The following KAZN variants were observed in gnomAD, a reference collection of about 807,000 sequenced individuals.
KAZN encodes the protein kazrin.
KAZN carries 40 observed loss-of-function variants against 87.4 expected under a neutral mutation model. That is an observed-to-expected ratio of 0.46 (90% CI 0.36 to 0.60). The LOEUF (loss-of-function observed/expected upper bound fraction) is 0.60, where lower values mean the gene tolerates loss of function less well. KAZN is among the 20% of genes least tolerant of loss of function. KAZN has a pLI of 0.00. For missense variants in KAZN, 898 were observed against 1,073.9 expected (o/e 0.84, Z 2.29); for synonymous variants, 466 against 458.3 (o/e 1.02, Z -0.22).
intron 2 of KAZN, among the ~76,000 whole-genome samples, chr1:14,385,844 C>G (rs556306373): frequency 0.053 from 7,839 of 147,754 alleles, 270 homozygotes; most frequent in Non-Finnish European, 0.081. Flanking sequence ...TGGTGCAGAG[C>G]TGAGTTCAAT....
At chr1:14,045,216 T>C (rs896270474) in intron 1 of KAZN, among the ~76,000 whole-genome samples, 21 of 152,142 alleles carry the variant, frequency 1.4e-4, no homozygotes, top group Non-Finnish European at 1.5e-5. Context: ...AATGAAAGTG[T>C]TGCTTTCAGC....
chr1:14,397,011 T>C (rs1272551258), intron 2 of KAZN, among the ~76,000 whole-genome samples: 1 of 152,242 alleles, frequency 6.6e-6, no homozygotes, highest in Non-Finnish European at 1.5e-5. Context: ...GTGATGTCCA[T>C]GACTTTGGAT....
intron 1 of KAZN, among the ~76,000 whole-genome samples, chr1:14,129,142 C>T (rs2101727900): frequency 6.6e-6 from 1 of 152,324 alleles, no homozygotes. Context: ...TAGGGACTCA[C>T]ATGGTACCCT....
At chr1:14,009,467 A>G (rs1640187863) in intron 1 of KAZN, among the ~76,000 whole-genome samples, 1 of 152,218 alleles carries the variant, frequency 6.6e-6, no homozygotes, top group Non-Finnish European at 1.5e-5. Flanking sequence ...CCACATCTTC[A>G]TCAACACTTG....
At chr1:15,063,701 C>A in intron 7 of KAZN, 79 bp downstream of exon 7, 2 of 1,196,412 alleles carry the variant, frequency 1.7e-6, no homozygotes, top group Non-Finnish European at 2.5e-6. Context: ...TTCCCCTGAG[C>A]CCACATCCAT....
At chr1:14,740,511 G>A (rs1030856049) in intron 1 of KAZN, among the ~76,000 whole-genome samples, 5 of 151,648 alleles carry the variant, frequency 3.3e-5, no homozygotes, top group East Asian at 1.9e-4. Context: ...TAAAAGTCTC[G>A]CCCACCCCAA....
chr1:14,488,041 C>A (rs1669439795), intron 2 of KAZN, among the ~76,000 whole-genome samples: 1 of 152,138 alleles, frequency 6.6e-6, no homozygotes, highest in African/African-American at 2.4e-5. Flanking sequence ...TCCCCAGCAC[C>A]TAACACAATA....
intron 2 of KAZN, among the ~76,000 whole-genome samples, chr1:14,554,292 G>A (rs574316635): frequency 1.3e-5 from 2 of 152,104 alleles, no homozygotes; most frequent in Non-Finnish European, 2.9e-5. Flanking sequence ...GCAGCAAAAC[G>A]CAGTGAACCT....
chr1:14,183,321 T>C (rs970197287), intron 2 of KAZN, among the ~76,000 whole-genome samples: 2 of 152,128 alleles, frequency 1.3e-5, no homozygotes, highest in African/African-American at 4.8e-5. Flanking sequence ...TCCTGGAAAA[T>C]GGAATCGCGA....
chr1:14,052,548 AAAC>A (rs1170924565), intron 1 of KAZN, among the ~76,000 whole-genome samples: 4 of 152,146 alleles, frequency 2.6e-5, no homozygotes, highest in Admixed American at 6.5e-5. Context: ...AAAAAAAAAA[AAAC>A]AAGAGAAATT....
intron 1 of KAZN, among the ~76,000 whole-genome samples, chr1:14,789,668 A>G (rs1239065311): frequency 7.1e-6 from 1 of 141,098 alleles, no homozygotes; most frequent in Non-Finnish European, 1.5e-5. Context: ...CCTCCTGCCT[A>G]TGGTGTGTTC....
chr1:14,069,705 T>C (rs1461327702), intron 1 of KAZN, among the ~76,000 whole-genome samples: 1 of 152,182 alleles, frequency 6.6e-6, no homozygotes, highest in Non-Finnish European at 1.5e-5. Context: ...AAATCTTCCT[T>C]GGATTTCATG....
chr1:14,452,613 G>A (rs1557731054), intron 2 of KAZN, among the ~76,000 whole-genome samples: 2 of 152,112 alleles, frequency 1.3e-5, no homozygotes, highest in South Asian at 2.1e-4. Context: ...GGCAGGCACT[G>A]TGGAATTGGC....
At chr1:14,076,738 T>C (rs1570680485) in intron 1 of KAZN, among the ~76,000 whole-genome samples, 1 of 152,162 alleles carries the variant, frequency 6.6e-6, no homozygotes, top group South Asian at 2.1e-4. Context: ...TGACAGAGAC[T>C]GAGAGGCCTG....
At chr1:14,540,205 G>T (rs1220518819) in intron 2 of KAZN, among the ~76,000 whole-genome samples, 1 of 152,168 alleles carries the variant, frequency 6.6e-6, no homozygotes, top group African/African-American at 2.4e-5. Flanking sequence ...GGAGGAGTTG[G>T]TTTTGCTTTG....
intron 2 of KAZN, among the ~76,000 whole-genome samples, chr1:14,279,409 C>A (rs1652667301): frequency 6.6e-6 from 1 of 152,202 alleles, no homozygotes; most frequent in Non-Finnish European, 1.5e-5. Flanking sequence ...CCAAATTGAA[C>A]TGGTCTCATC....
chr1:13,963,539 G>T (rs924551847), intron 1 of KAZN, among the ~76,000 whole-genome samples: 2 of 152,134 alleles, frequency 1.3e-5, no homozygotes, highest in Non-Finnish European at 2.9e-5. Flanking sequence ...AGAAGATATT[G>T]CTTTAATTAT....
At chr1:14,941,198 C>T (rs1054544802) in intron 1 of KAZN, among the ~76,000 whole-genome samples, 2 of 152,084 alleles carry the variant, frequency 1.3e-5, no homozygotes, top group East Asian at 3.9e-4. Context: ...GGATTACAGG[C>T]GTGAGCCACC....
chr1:14,976,751 G>A lies in KAZN; in HGVS notation c.418+15876G>A, dbSNP rs552119913. Among the ~76,000 whole-genome samples the A allele has an allele frequency of 4.6e-4, 70 of 152,250 alleles. 1 individual carries two copies. Among genetic ancestry groups the A allele is most frequent in the African/African-American group, 1.6e-3 (66 of 41,556 alleles). Reference sequence around the variant, plus strand: ...ACTGGGCTGAAGAACACACGGCAGGGCGCTCAAAAACTGGGCTCTAGGCAG... The same window carrying A: ...ACTGGGCTGAAGAACACACGGCAGGACGCTCAAAAACTGGGCTCTAGGCAG... On this transcript the variant is annotated intron_variant, in intron 2 of 14. Transcript: ENST00000376030.
Sources: allele counts gnomAD v4.1 joint callset (sites outside exome capture counted in the v4.1 genomes callset), GRCh38; gene constraint gnomAD v4.1.1; transcripts MANE v1.5; gene names NCBI Gene and HGNC (gene_info 2026-07-23, HGNC 2026-07-21).